Variants in ERBIN observed in about 807,000 individuals in gnomAD.
The protein encoded by ERBIN is densin-180-like protein.
Under a neutral mutation model 158.4 loss-of-function variants are expected in ERBIN, and 60 were observed. The ratio of observed to expected loss-of-function variants is 0.38; its 90% CI spans 0.31 to 0.47. The LOEUF is 0.47. ERBIN is among the 20% of genes least tolerant of loss of function. ERBIN has a pLI of 0.99. For missense variants in ERBIN, 1,610 were observed against 1,648.0 expected (o/e 0.98, Z 0.40); for synonymous variants, 594 against 557.2 (o/e 1.07, Z -0.93).
intron 21 of ERBIN, among the ~76,000 whole-genome samples, chr5:66,071,028 T>C (rs934359047): frequency 6.6e-6 from 1 of 152,162 alleles, no homozygotes; most frequent in African/African-American, 2.4e-5. Flanking sequence ...GAAAAACATA[T>C]GTGTCTTGCT....
intron 4 of ERBIN, among the ~76,000 whole-genome samples, chr5:66,001,147 A>G (rs1486498000): frequency 6.6e-6 from 1 of 152,192 alleles, no homozygotes; most frequent in African/African-American, 2.4e-5. Flanking sequence ...AGCAAATGTA[A>G]TATTTTGAAA....
rs1304606047 is a variant in ERBIN, at chr5:66,018,527, T to TTATATTATATATTA, written c.534-2784_534-2783insTTATATATTATATA. Among the ~76,000 whole-genome samples the TTATATTATATATTA allele has an allele frequency of 4.4e-4, 2 of 4,570 alleles. 1 individual carries two copies. The highest frequency in any genetic ancestry group is 7.5e-3 in the Admixed American group (2 of 268). 3.0% of individuals were successfully genotyped at this position (4,570 alleles called of 152,430 possible). ...TATATTATATATTATATAATATATA[T>TTATATTATATATTA]TATATTATATAATATATATTATATA... On this transcript the variant is annotated intron_variant, in intron 7 of 25. Transcript: ENST00000284037.
intron 21 of ERBIN, among the ~76,000 whole-genome samples, chr5:66,056,252 T>A (rs577342396): frequency 6.6e-6 from 1 of 152,302 alleles, no homozygotes; most frequent in South Asian, 2.1e-4. Context: ...GAAATAGACT[T>A]TTAACAAGAG....
chr5:65,994,083 A>G (rs899137333), intron 3 of ERBIN, among the ~76,000 whole-genome samples: 2 of 152,214 alleles, frequency 1.3e-5, no homozygotes, highest in Admixed American at 6.5e-5. Flanking sequence ...GTCATCTTAC[A>G]GAGAAATCTT....
At chr5:65,944,639 A>G (rs1270001325) in intron 1 of ERBIN, among the ~76,000 whole-genome samples, 1 of 152,136 alleles carries the variant, frequency 6.6e-6, no homozygotes, top group Non-Finnish European at 1.5e-5. Flanking sequence ...TCTTGGGCTC[A>G]TGTGATCCAC....
At chr5:66,056,842 TGTA>T (rs1160947) in intron 21 of ERBIN, among the ~76,000 whole-genome samples, 25,357 of 152,060 alleles carry the variant, frequency 0.17, 2,656 homozygotes, top group East Asian at 0.45. Flanking sequence ...TTGACTACAC[TGTA>T]GTATCTTCTA....
In ERBIN at chr5:66,050,960, A is replaced by G. The variant is rs1286531182; in HGVS notation, c.2081A>G (p.Lys694Arg). The G allele has an allele frequency of 3.1e-6, 5 of 1,600,726 alleles. No homozygotes were observed. The highest frequency in any genetic ancestry group is 4.3e-6 in the Non-Finnish European group (5 of 1,175,456). Residue 694 changes from lysine (K) to arginine (R), a missense_variant, in exon 20 of 26, where the codon AAA becomes AGA. Transcript: ENST00000284037. The part of the protein sequence containing the change: ...VKQTHIDINS[K>R]IRQEDENFNS... ...CAAACTCATATTGATATTAATTCCA[A>G]AATCAGGTGTGTGAACCTCTTTTAC...
intron 1 of ERBIN, among the ~76,000 whole-genome samples, chr5:65,955,104 C>T (rs1746941994): frequency 6.6e-6 from 1 of 151,772 alleles, no homozygotes; most frequent in Non-Finnish European, 1.5e-5. Context: ...AAAAGTGCAC[C>T]ATAGATTCTT....
intron 1 of ERBIN, among the ~76,000 whole-genome samples, chr5:65,940,486 CCCG>C (rs1206063046): frequency 1.6e-5 from 2 of 127,364 alleles, no homozygotes; most frequent in Non-Finnish European, 1.7e-5. Flanking sequence ...TCCCCCCCCC[CCCG>C]GCCAGCCGCC....
intron 1 of ERBIN, among the ~76,000 whole-genome samples, chr5:65,931,573 T>C (rs1343880959): frequency 6.6e-6 from 1 of 152,244 alleles, no homozygotes; most frequent in Non-Finnish European, 1.5e-5. Context: ...AGCTATTGCA[T>C]GTTAGTGTAA....
chr5:66,003,947 T>TTA (rs1259109945), intron 4 of ERBIN, among the ~76,000 whole-genome samples: 2 of 140,044 alleles, frequency 1.4e-5, no homozygotes, highest in East Asian at 4.0e-4. Flanking sequence ...TTTTTTTTTT[T>TTA]TATAAGAGGC....
intron 21 of ERBIN, among the ~76,000 whole-genome samples, chr5:66,057,017 C>A (rs1468711307): frequency 6.6e-6 from 1 of 152,142 alleles, no homozygotes; most frequent in Non-Finnish European, 1.5e-5. Flanking sequence ...ACATGTGAGA[C>A]TGCTTTTACC....
intron 1 of ERBIN, among the ~76,000 whole-genome samples, chr5:65,938,540 C>CT (rs1159520730): frequency 6.6e-6 from 1 of 151,062 alleles, no homozygotes; most frequent in African/African-American, 2.5e-5. Flanking sequence ...GTTGCCCAGG[C>CT]TAGGGCTGAT....
At chr5:65,983,095 G>A (rs1163326041) in intron 1 of ERBIN, among the ~76,000 whole-genome samples, 1 of 152,188 alleles carries the variant, frequency 6.6e-6, no homozygotes, top group Non-Finnish European at 1.5e-5. Flanking sequence ...GGTAACTTCA[G>A]TGTATATGTC....
intron 1 of ERBIN, among the ~76,000 whole-genome samples, chr5:65,976,723 G>A (rs1047577399): frequency 2.6e-5 from 4 of 151,124 alleles, no homozygotes; most frequent in Admixed American, 1.3e-4. Context: ...TGACTCTTAC[G>A]GAGCATGCTG....
At chr5:66,018,223 T>TATA in intron 7 of ERBIN, among the ~76,000 whole-genome samples, 1 of 150,674 alleles carries the variant, frequency 6.6e-6, no homozygotes, top group African/African-American at 2.4e-5. Flanking sequence ...AATGTCAGTG[T>TATA]TTTGATAGGG....
chr5:65,948,785 A>G (rs1053559516), intron 1 of ERBIN, among the ~76,000 whole-genome samples: 1 of 31,342 alleles, frequency 3.2e-5, no homozygotes, highest in African/African-American at 8.0e-5. Context: ...TTTTTTTGAG[A>G]CAGAGTCTCC....
intron 1 of ERBIN, among the ~76,000 whole-genome samples, chr5:65,985,502 A>G (rs1395345001): frequency 6.6e-6 from 1 of 152,266 alleles, no homozygotes; most frequent in Non-Finnish European, 1.5e-5. Context: ...ACGAGTGAAT[A>G]TTAACTAGCT....
chr5:65,928,202 T>G (rs1056237659), intron 1 of ERBIN, among the ~76,000 whole-genome samples: 2 of 152,140 alleles, frequency 1.3e-5, no homozygotes, highest in Admixed American at 6.5e-5. Context: ...ATTACTGTAG[T>G]TTTGATTTTT....
Sources: allele counts gnomAD v4.1 joint callset (sites outside exome capture counted in the v4.1 genomes callset), GRCh38; gene constraint gnomAD v4.1.1; transcripts MANE v1.5; gene names NCBI Gene and HGNC (gene_info 2026-07-23, HGNC 2026-07-21).